The following CREBZF variants were observed in gnomAD, a reference collection of about 807,000 sequenced individuals.
The protein encoded by CREBZF is HCF-binding transcription factor Zhangfei.
Under a neutral mutation model 21.1 loss-of-function variants are expected in CREBZF, and 8 were observed. The observed-to-expected ratio is 0.38, with a 90% CI of 0.22 to 0.68. CREBZF has a LOEUF of 0.68. CREBZF is among the 30% of genes least tolerant of loss of function. The pLI is 0.51. For missense variants in CREBZF, 518 were observed against 484.3 expected (o/e 1.07, Z -0.65); for synonymous variants, 270 against 223.3 (o/e 1.21, Z -1.86).
At chr11:85,665,704 T>A (rs911711151), upstream of CREBZF, among the ~76,000 whole-genome samples, 5 of 152,084 alleles carry the variant, frequency 3.3e-5, no homozygotes, top group African/African-American at 1.2e-4. Flanking sequence ...GAATACAACA[T>A]TGCTTACAAA....
In CREBZF at chr11:85,662,931, G is replaced by A. The variant is rs1478218574; in HGVS notation, c.*880C>T. The A allele has an allele frequency of 6.4e-6, 1 of 156,938 alleles. No homozygotes were observed. The highest frequency in any genetic ancestry group is 1.4e-5 in the Non-Finnish European group (1 of 70,718). 9.7% of individuals were successfully genotyped at this position (156,938 alleles called of 1,614,324 possible). A position where few individuals can be genotyped will look rare whatever the true frequency, so the allele number is the denominator to read the frequency against. On this transcript the variant is annotated 3_prime_UTR_variant, in exon 1 of 1. Coordinates refer to ENST00000527447, the MANE Select transcript of CREBZF (RefSeq NM_001039618.4). ...TAACTAAAACGCAGGAGTCTCATATGTATGTTAATTTCCAACTTCTCTAAT... is the reference window on the plus strand; with the variant it reads ...TAACTAAAACGCAGGAGTCTCATATATATGTTAATTTCCAACTTCTCTAAT...
rs139748191 is a variant in CREBZF at position 85,680,985 on chromosome 11, A to G, written n.147+1732T>C. Among the ~76,000 whole-genome samples the G allele has an allele frequency of 2.0e-3, 309 of 152,296 alleles. 1 individual carries two copies. The highest frequency in any genetic ancestry group is 3.3e-3 in the Non-Finnish European group (225 of 68,016). ...TGTAGCACAGACTGGCCTCATTCCC[A>G]TCTCAGGGTGGATCCTGATTGGTCT... On this transcript the variant is annotated intron_variant and non_coding_transcript_variant, in intron 1 of 3. Transcript: ENST00000531515.
At position 85,658,940 on chromosome 11, in the gene CREBZF, T is replaced by C. The variant is rs547256622; in HGVS notation, c.*4871A>G. ...AACAATTTTGGGTCAACAAAAAGTA[T>C]GGAATATTTTAAGACAATAAAGAGT... On this transcript the variant is annotated 3_prime_UTR_variant, in exon 1 of 1. Transcript: ENST00000527447. Among the ~76,000 whole-genome samples the C allele has an allele frequency of 3.7e-4, 57 of 152,212 alleles. 1 individual carries two copies. In the South Asian group the frequency reaches 0.011, roughly 29 times the overall value.
Position 85,658,516 on chromosome 11 carries a change from T to C in CREBZF, c.*5295A>G, listed in dbSNP as rs1255363106. Among the ~76,000 whole-genome samples the C allele has an allele frequency of 3.9e-5, 6 of 152,062 alleles. No individual in the cohort carries two copies. The highest frequency in any genetic ancestry group is 2.0e-4 in the Admixed American group (3 of 15,272). ...GTTCAGAGGGCAGATATCTGCATTA[T>C]TTAAGGACATTTAGTCATTTGTAGC... On this transcript the variant is annotated 3_prime_UTR_variant, in exon 1 of 1. Transcript: ENST00000527447.
intron 1 of CREBZF, among the ~76,000 whole-genome samples, chr11:85,672,210 T>C (rs563867238): frequency 6.6e-6 from 1 of 152,328 alleles, no homozygotes; most frequent in Non-Finnish European, 1.5e-5. Context: ...AGCTGGAGCA[T>C]GCGGGATGCA....
At chr11:85,668,859 G>A (rs956708975), upstream of CREBZF, among the ~76,000 whole-genome samples, 4 of 150,458 alleles carry the variant, frequency 2.7e-5, no homozygotes, top group South Asian at 2.1e-4. Context: ...AAAATTGGCC[G>A]GGCGTGGTAG....
chr11:85,669,830 CAG>C (rs2082899648), upstream of CREBZF, among the ~76,000 whole-genome samples: 1 of 151,982 alleles, frequency 6.6e-6, no homozygotes, highest in Admixed American at 6.6e-5. Flanking sequence ...TTGTTTGAGA[CAG>C]AGTCTCACTC....
In CREBZF at chr11:85,679,241, G is replaced by A. The variant is rs189513255; in HGVS notation, n.147+3476C>T. 1.8e-3 allele frequency among the ~76,000 whole-genome samples: 268 copies of A among 152,240 alleles called. 1 individual carries two copies. In the Middle Eastern group the frequency reaches 0.027, roughly 15 times the overall value. On this transcript the variant is annotated intron_variant and non_coding_transcript_variant, in intron 1 of 3. Transcript: ENST00000531515. Reference sequence around the variant, plus strand: ...CCTTACATCCACTTCCAGGAAAAGCGTCCTCTAATCACTCCTACATTAGGC... The same window carrying A: ...CCTTACATCCACTTCCAGGAAAAGCATCCTCTAATCACTCCTACATTAGGC...
chr11:85,675,012 G>A (rs2082933416), intron 1 of CREBZF, among the ~76,000 whole-genome samples: 1 of 152,126 alleles, frequency 6.6e-6, no homozygotes, highest in Non-Finnish European at 1.5e-5. Context: ...AAACAGCTAG[G>A]GCCTTGCTCT....
At chr11:85,668,066 C>G (rs2082884809), upstream of CREBZF, among the ~76,000 whole-genome samples, 1 of 152,034 alleles carries the variant, frequency 6.6e-6, no homozygotes, top group Admixed American at 6.6e-5. Flanking sequence ...ACACTTGGAT[C>G]TGTTTCTGGT....
At position 85,664,794 on chromosome 11, in the gene CREBZF, T is replaced by A. The variant is rs535579168; in HGVS notation, c.82A>T (p.Thr28Ser). Reference protein sequence around the residue: ...TRSESPEPAATCSLPSDLTRA... With the variant: ...TRSESPEPAASCSLPSDLTRA... ...GTCAGGTCAGAGGGCAGCGAACAAGTTGCAGCCGGCTCCGGGCTCTCACTG... is the reference window on the plus strand; with the variant it reads ...GTCAGGTCAGAGGGCAGCGAACAAGATGCAGCCGGCTCCGGGCTCTCACTG... The change falls in exon 1 of 1, where the codon ACT (threonine) becomes TCT (serine). Residue 28 changes from threonine to serine, a missense_variant. Thr to Ser is a moderately conservative substitution (Grantham distance 58). Transcript: ENST00000527447. The surrounding 1 kb of genome is among the most constrained non-coding windows in gnomAD (Gnocchi z 5.5). The A allele has an allele frequency of 1.3e-6, 2 of 1,576,924 alleles. No individual in the cohort carries two copies. The highest frequency in any genetic ancestry group is 1.7e-6 in the Non-Finnish European group (2 of 1,166,246).
chr11:85,658,648 TA>T lies in CREBZF; in HGVS notation c.*5162del, dbSNP rs113731424. 0.15 allele frequency among the ~76,000 whole-genome samples: 21,534 copies of T among 143,272 alleles called. 1,691 individuals carry two copies. Among genetic ancestry groups the T allele is most frequent in the East Asian group, 0.29 (1,453 of 5,054 alleles). The allele number at this position is 143,272 out of a possible 152,430, so 94.0% of individuals were successfully genotyped here. A position where few individuals can be genotyped will look rare whatever the true frequency, so the allele number is the denominator to read the frequency against. Reference sequence around the variant, plus strand: ...ATTTACTTTGTGTAGTTATTTGGCTTAAAAAAAAAAAAAGAGGGCTCACATT... The same window carrying T: ...ATTTACTTTGTGTAGTTATTTGGCTTAAAAAAAAAAAAGAGGGCTCACATT... On this transcript the variant is annotated 3_prime_UTR_variant, in exon 1 of 1. Coordinates refer to ENST00000527447, the MANE Select transcript of CREBZF (RefSeq NM_001039618.4).
Position 85,660,236 on chromosome 11 carries a change from G to A in CREBZF, c.*3575C>T, listed in dbSNP as rs902333105. On this transcript the variant is annotated 3_prime_UTR_variant, in exon 1 of 1. Transcript: ENST00000527447. ...TTCCATAGAATATGCTCTTGATTAT[G>A]TAAAAACTCTAATTTCTTGATGAAA... 1 of 170,488 alleles carries A rather than the reference G, an allele frequency of 5.9e-6. No homozygotes were observed. The highest frequency in any genetic ancestry group is 2.4e-5 in the African/African-American group (1 of 41,636). 10.6% of individuals were successfully genotyped at this position (170,488 alleles called of 1,614,324 possible).
At chr11:85,674,352 A>G (rs1365398683) in intron 1 of CREBZF, among the ~76,000 whole-genome samples, 7 of 152,234 alleles carry the variant, frequency 4.6e-5, no homozygotes, top group African/African-American at 1.4e-4. Flanking sequence ...GTCAATGAGC[A>G]GTAACATTTG....
At chr11:85,669,717 T>G (rs2082898612), upstream of CREBZF, among the ~76,000 whole-genome samples, 1 of 152,156 alleles carries the variant, frequency 6.6e-6, no homozygotes, top group Admixed American at 6.5e-5. Flanking sequence ...AGACAAAAAG[T>G]TGGAGCAGAG....
chr11:85,660,707 T>G lies in CREBZF; in HGVS notation c.*3104A>C. ...TTATATCAGAGGTGTGACTACATTTTAACAAAAGTGGACTTTTTAAGATAA... is the reference window on the plus strand; with the variant it reads ...TTATATCAGAGGTGTGACTACATTTGAACAAAAGTGGACTTTTTAAGATAA... On this transcript the variant is annotated 3_prime_UTR_variant, in exon 1 of 1. Coordinates refer to ENST00000527447, the MANE Select transcript of CREBZF (RefSeq NM_001039618.4). The G allele has an allele frequency of 2.6e-6, 1 of 390,426 alleles. No individual in the cohort carries two copies. 24.2% of individuals were successfully genotyped at this position (390,426 alleles called of 1,614,324 possible). A position where few individuals can be genotyped will look rare whatever the true frequency, so the allele number is the denominator to read the frequency against.
rs982563548 is a variant in CREBZF, at chr11:85,662,843, T to A, written c.*968A>T. On this transcript the variant is annotated 3_prime_UTR_variant, in exon 1 of 1. Transcript: ENST00000527447. ...TAAAGATGTTCAACAATTTATTCAA[T>A]CTCAGTGATAGGGTAATCACTGCTG... is the stretch of plus-strand genomic sequence containing the variant. The A allele has an allele frequency of 3.7e-5, 6 of 162,582 alleles. No individual in the cohort carries two copies. The highest frequency in any genetic ancestry group is 6.7e-5 in the Non-Finnish European group (5 of 74,572). 10.1% of individuals were successfully genotyped at this position (162,582 alleles called of 1,614,324 possible). A position where few individuals can be genotyped will look rare whatever the true frequency, so the allele number is the denominator to read the frequency against.
intron 1 of CREBZF, among the ~76,000 whole-genome samples, chr11:85,678,024 C>A (rs913234534): frequency 2.0e-5 from 3 of 152,110 alleles, no homozygotes; most frequent in Admixed American, 6.5e-5. Context: ...TATAATTAAT[C>A]TTTTTGGGGG....
At chr11:85,665,149 C>A, upstream of CREBZF, 1 of 397,964 alleles carries the variant, frequency 2.5e-6, no homozygotes, top group Non-Finnish European at 4.6e-6. Context: ...CGCCCCAGTC[C>A]CGCCCACCGC....
Sources: gnomAD v4.1 joint callset for allele counts (sites outside exome capture counted in the v4.1 genomes callset) on GRCh38, gnomAD v4.1.1 for gene constraint, Gnocchi (gnomAD v3.1) non-coding constraint, MANE v1.5 for transcripts, NCBI Gene and HGNC (gene_info 2026-07-23, HGNC 2026-07-21) for gene names.